The following AFM variants were observed in gnomAD, a reference collection of about 807,000 sequenced individuals.
The protein encoded by AFM is afamin.
AFM carries 82 observed loss-of-function variants against 68.7 expected under a neutral mutation model. That is an observed-to-expected ratio of 1.19 (90% CI 1.00 to 1.43). The LOEUF (loss-of-function observed/expected upper bound fraction) is 1.43. Ranked by LOEUF, AFM falls within the 40% of genes most tolerant of loss-of-function variation. The probability of loss-of-function intolerance (pLI) is 0.00; values close to 1 mark genes in which losing one functional copy is unlikely to be tolerated. For synonymous variants in AFM, 250 were observed against 234.2 expected (o/e 1.07, Z -0.61); for missense variants, 772 against 701.8 (o/e 1.10, Z -1.13).
intron 4 of AFM, among the ~76,000 whole-genome samples, chr4:73,486,332 A>G (rs750992086): frequency 6.6e-6 from 1 of 152,216 alleles, no homozygotes; most frequent in Non-Finnish European, 1.5e-5. Flanking sequence ...AGGTGTGTAC[A>G]TGGTGTTAAA....
chr4:73,498,770 T>G (rs947678748), intron 10 of AFM, among the ~76,000 whole-genome samples: 1 of 152,226 alleles, frequency 6.6e-6, no homozygotes, highest in African/African-American at 2.4e-5. Context: ...ATTCTTTCTT[T>G]AAAATATTTT....
rs1375065139 is a variant in AFM, at chr4:73,484,281, A to G, written c.161A>G (p.Tyr54Cys). ...EYITIIAFAQ[Y>C]VQEATFEEME... Reference sequence around the variant, plus strand: ...AGCACCATCATTGCATTTGCTCAGTATGTTCAGGAAGCAACCTTTGAAGAA... The same window carrying G: ...AGCACCATCATTGCATTTGCTCAGTGTGTTCAGGAAGCAACCTTTGAAGAA... Residue 54 changes from tyrosine (Y) to cysteine (C), a missense_variant, in exon 3 of 15, where the codon TAT becomes TGT. Transcript: ENST00000226355. 6.2e-7 allele frequency: 1 copy of G among 1,612,632 alleles called. No homozygotes were observed. The highest frequency in any genetic ancestry group is 1.1e-5 in the South Asian group (1 of 90,800).
chr4:73,499,921 T>G, intron 11 of AFM, 83 bp from the exon 12 acceptor site: 1 of 1,132,804 alleles, frequency 8.8e-7, no homozygotes. Context: ...CTTAGAAAGA[T>G]CTAAGTATTC....
At chr4:73,486,474 A>G (rs1476028622) in intron 4 of AFM, among the ~76,000 whole-genome samples, 1 of 152,238 alleles carries the variant, frequency 6.6e-6, no homozygotes, top group Non-Finnish European at 1.5e-5. Flanking sequence ...GTCATTGCAG[A>G]AACAGACTTT....
At chr4:73,490,636 T>A (rs1223366100) in intron 7 of AFM, among the ~76,000 whole-genome samples, 1 of 152,138 alleles carries the variant, frequency 6.6e-6, no homozygotes, top group Non-Finnish European at 1.5e-5. Context: ...TTAGCCAGGA[T>A]GTATGTTTTA....
chr4:73,485,620 A>G (rs371989295), intron 3 of AFM, among the ~76,000 whole-genome samples: 5 of 50,684 alleles, frequency 9.9e-5, no homozygotes, highest in African/African-American at 1.5e-4. Context: ...AAGAGGAAGA[A>G]GAAGAAGAAA....
chr4:73,489,061 T>C (rs1343199013), intron 7 of AFM, among the ~76,000 whole-genome samples: 1 of 152,190 alleles, frequency 6.6e-6, no homozygotes, highest in Non-Finnish European at 1.5e-5. Flanking sequence ...AGTTTTCTCT[T>C]ACATTATAAA....
chr4:73,491,064 T>A (rs1054588455), intron 7 of AFM, among the ~76,000 whole-genome samples: 9 of 152,228 alleles, frequency 5.9e-5, no homozygotes, highest in African/African-American at 2.2e-4. Flanking sequence ...TAACTCAACA[T>A]AATTCAAGTG....
chr4:73,501,365 A>G (rs529613670), intron 12 of AFM, among the ~76,000 whole-genome samples: 1 of 152,176 alleles, frequency 6.6e-6, no homozygotes, highest in Non-Finnish European at 1.5e-5. Flanking sequence ...CATCTAAAAC[A>G]TTTATCTTTT....
intron 4 of AFM, 71 bp from the exon 5 acceptor site, chr4:73,486,896 C>A (rs1421401600): frequency 6.8e-7 from 1 of 1,477,048 alleles, no homozygotes; most frequent in Non-Finnish European, 9.3e-7. Context: ...CCTTCCCTTC[C>A]CTTGTCTACA....
At chr4:73,492,459 GAC>G (rs1467028193) in intron 8 of AFM, among the ~76,000 whole-genome samples, 1 of 152,104 alleles carries the variant, frequency 6.6e-6, no homozygotes, top group African/African-American at 2.4e-5. Flanking sequence ...GCTAAAAAGT[GAC>G]AGAGTAAGAA....
At chr4:73,498,283 T>C (rs555697182) in intron 10 of AFM, among the ~76,000 whole-genome samples, 13 of 151,892 alleles carry the variant, frequency 8.6e-5, no homozygotes, top group African/African-American at 3.1e-4. Flanking sequence ...TTATTGTTAT[T>C]ATTATCATTA....
At chr4:73,486,260 C>A (rs1720900391) in intron 4 of AFM, among the ~76,000 whole-genome samples, 187 bp downstream of exon 4, 1 of 152,122 alleles carries the variant, frequency 6.6e-6, no homozygotes, top group Admixed American at 6.5e-5. Flanking sequence ...AAGATATGGA[C>A]CCTGCTTACA....
At chr4:73,501,392 T>G (rs1721418174) in intron 12 of AFM, among the ~76,000 whole-genome samples, 1 of 152,132 alleles carries the variant, frequency 6.6e-6, no homozygotes, top group African/African-American at 2.4e-5. Context: ...ACTGGGAACA[T>G]TACAATTCTC....
intron 3 of AFM, 60 bp from the exon 4 acceptor site, chr4:73,485,802 G>A (rs1414614939): frequency 1.5e-6 from 2 of 1,354,966 alleles, no homozygotes; most frequent in East Asian, 4.7e-5. Context: ...TTTTCTCAGT[G>A]AGTACAGAAG....
Position 73,503,965 on chromosome 4 carries a change from T to C in AFM, c.*130T>C, listed in dbSNP as rs1721483864. ...TGTAACTGTCACCTGAAATAATACA[T>C]TGCAGCAAGCAATAAACACAACATT... On this transcript the variant is annotated 3_prime_UTR_variant, in exon 15 of 15. Coordinates refer to ENST00000226355, the MANE Select transcript of AFM (RefSeq NM_001133.2). 6.6e-6 allele frequency: 1 copy of C among 152,100 alleles called. No individual in the cohort carries two copies. The highest frequency in any genetic ancestry group is 2.4e-5 in the African/African-American group (1 of 41,428). The allele number at this position is 152,100 out of a possible 1,614,324, so 9.4% of individuals were successfully genotyped here. A position where few individuals can be genotyped will look rare whatever the true frequency, so the allele number is the denominator to read the frequency against.
At chr4:73,502,649 A>C (rs1452805533) in intron 13 of AFM, among the ~76,000 whole-genome samples, 2 of 152,212 alleles carry the variant, frequency 1.3e-5, no homozygotes, top group Non-Finnish European at 2.9e-5. Flanking sequence ...CAATTCATGT[A>C]AACTCACAGG....
Position 73,481,865 on chromosome 4 carries a change from T to C in AFM, c.88+2T>C. ...TGCCCACACAACCTCGGGATATAGGTAAGAAATTTACTTGTATATCAGCTA... is the reference window on the plus strand; with the variant it reads ...TGCCCACACAACCTCGGGATATAGGCAAGAAATTTACTTGTATATCAGCTA... On this transcript the variant is annotated splice_donor_variant, in intron 1 of 14. Coordinates refer to ENST00000226355, the MANE Select transcript of AFM (RefSeq NM_001133.2). LOFTEE classifies it high-confidence loss of function. 6.4e-7 allele frequency: 1 copy of C among 1,573,298 alleles called. No homozygotes were observed.
Position 73,495,385 on chromosome 4 carries a change from A to T in AFM, c.1144A>T (p.Arg382Ter). The change falls in exon 9 of 15, where the codon AGA (arginine) becomes TGA (stop). Residue 382 changes from arginine (R) to a stop codon, truncating the protein, a stop_gained. Transcript: ENST00000226355. LOFTEE classifies it high-confidence loss of function. The stretch of plus-strand genomic sequence containing the variant: ...TGTTCAAATATACAAAGATCTCCTG[A>T]GAAATTGCTGCAACACAGAAAACCC... ...RIVQIYKDLL[R>*]NCCNTENPPG... 1 of 1,613,508 alleles carries T rather than the reference A, an allele frequency of 6.2e-7. No individual in the cohort carries two copies. Among genetic ancestry groups the T allele is most frequent in the Non-Finnish European group, 8.5e-7 (1 of 1,179,770 alleles).
Sources: gnomAD v4.1 joint callset for allele counts (sites outside exome capture counted in the v4.1 genomes callset) on GRCh38, gnomAD v4.1.1 for gene constraint, MANE v1.5 for transcripts, NCBI Gene and HGNC (gene_info 2026-07-23, HGNC 2026-07-21) for gene names.